Variants in TEK observed in about 807,000 individuals in gnomAD.
TEK encodes TEK receptor tyrosine kinase, also known as angiopoietin-1 receptor.
Under a neutral mutation model 131.8 loss-of-function variants are expected in TEK, and 43 were observed. The observed-to-expected ratio is 0.33, with a 90% confidence interval of 0.26 to 0.42. The LOEUF (loss-of-function observed/expected upper bound fraction) is 0.42. TEK is among the 10% of genes least tolerant of loss of function. TEK has a pLI of 1.00. For missense variants in TEK, 1,162 were observed against 1,384.4 expected (o/e 0.84, Z 2.55); for synonymous variants, 580 against 491.6 (o/e 1.18, Z -2.38).
chr9:27,112,894 G>C (rs190180375), intron 1 of TEK, among the ~76,000 whole-genome samples: 1 of 152,334 alleles, frequency 6.6e-6, no homozygotes, highest in Non-Finnish European at 1.5e-5. Context: ...GAAAGTTCTT[G>C]TGAATGACAC....
intron 1 of TEK, among the ~76,000 whole-genome samples, chr9:27,150,896 T>G (rs1823103905): frequency 6.6e-6 from 1 of 152,130 alleles, no homozygotes; most frequent in Admixed American, 6.5e-5. Context: ...GAGGATGTCA[T>G]TCCCTCCAGC....
In TEK at chr9:27,192,618, C is replaced by A; in HGVS notation, c.1619C>A (p.Ser540Tyr). The change falls in exon 11 of 23, where the codon TCT becomes TAT. Residue 540 changes from serine to tyrosine, a missense_variant. Physicochemically the swap from Ser to Tyr is moderately radical, Grantham distance 144. Around this residue, in one of 6 missense-constraint regions of TEK, gnomAD observed 477 missense variants for 471.0 expected, o/e 1.01. Transcript: ENST00000380036. ...PGPVRRFTTA[S>Y]IGLPPPRGLN... ...CCTGTGAGACGCTTCACAACAGCTTCTATCGGTCAGTGGAAGCCAACAGGC... is the reference window on the plus strand; with the variant it reads ...CCTGTGAGACGCTTCACAACAGCTTATATCGGTCAGTGGAAGCCAACAGGC... 1 of 1,587,200 alleles carries A rather than the reference C, an allele frequency of 6.3e-7. No homozygotes were observed. The highest frequency in any genetic ancestry group is 8.6e-7 in the Non-Finnish European group (1 of 1,163,778).
At chr9:27,199,118 A>G (rs765687528) in intron 12 of TEK, among the ~76,000 whole-genome samples, 1 of 152,168 alleles carries the variant, frequency 6.6e-6, no homozygotes, top group Non-Finnish European at 1.5e-5. Flanking sequence ...TATAATTTTA[A>G]TATCTCTGAA....
chr9:27,136,085 A>ATTTAT (rs765219714), intron 1 of TEK, among the ~76,000 whole-genome samples: 7 of 137,022 alleles, frequency 5.1e-5, no homozygotes, highest in African/African-American at 1.1e-4. Flanking sequence ...CAGGGCAGTT[A>ATTTAT]TTTTTTTTTT....
chr9:27,205,138 G>A, intron 14 of TEK, 73 bp downstream of exon 14: 4 of 1,579,130 alleles, frequency 2.5e-6, no homozygotes, highest in Non-Finnish European at 3.5e-6. Context: ...TTAAAGATAT[G>A]GACCAGGAAA....
At chr9:27,162,925 G>C (rs1215746983) in intron 2 of TEK, among the ~76,000 whole-genome samples, 1 of 152,010 alleles carries the variant, frequency 6.6e-6, no homozygotes, top group Non-Finnish European at 1.5e-5. Context: ...CATGTTGGCC[G>C]GGGTGGTCTC....
chr9:27,169,672 A>T, intron 4 of TEK, 43 bp downstream of exon 4: 1 of 1,612,784 alleles, frequency 6.2e-7, no homozygotes, highest in Non-Finnish European at 8.5e-7. Context: ...TGTAGTTGTT[A>T]GGTTGTTAGG....
At chr9:27,227,825 T>C (rs1280337749) in intron 21 of TEK, among the ~76,000 whole-genome samples, 1 of 152,224 alleles carries the variant, frequency 6.6e-6, no homozygotes, top group Non-Finnish European at 1.5e-5. Context: ...CTAAAAGTCC[T>C]GCCTCTTAAA....
intron 2 of TEK, among the ~76,000 whole-genome samples, chr9:27,160,445 C>A (rs1277538598): frequency 6.6e-6 from 1 of 152,066 alleles, no homozygotes; most frequent in Non-Finnish European, 1.5e-5. Context: ...TAAAGTTGAA[C>A]ATGCTTACAG....
intron 2 of TEK, among the ~76,000 whole-genome samples, chr9:27,162,840 C>T (rs1487530058): frequency 1.3e-5 from 2 of 152,012 alleles, no homozygotes; most frequent in African/African-American, 4.8e-5. Context: ...CTCAGCCTCC[C>T]GAGCAGCTGG....
chr9:27,139,517 G>A (rs1822640767), intron 1 of TEK, among the ~76,000 whole-genome samples: 2 of 151,576 alleles, frequency 1.3e-5, no homozygotes, highest in East Asian at 4.0e-4. Context: ...TTGAGACGGG[G>A]TTTCACCATG....
chr9:27,169,669 G>A (rs565620051), intron 4 of TEK, 40 bp downstream of exon 4: 30 of 1,612,782 alleles, frequency 1.9e-5, no homozygotes, highest in Admixed American at 3.3e-5. Flanking sequence ...TGGTGTAGTT[G>A]TTAGGTTGTT....
chr9:27,190,629 C>T lies in TEK; in HGVS notation c.1428C>T (p.Ile476=), dbSNP rs564101385. ...AGCCTTACTTTGGGGATGGACCAAT[C>T]AAATCCAAGAAGCTTCTATACAAAC... is the stretch of plus-strand genomic sequence containing the variant. ...SSEPYFGDGP[I]KSKKLLYKPV... The change falls in exon 10 of 23, where the codon ATC becomes ATT. Residue 476 remains isoleucine, a synonymous_variant. Transcript: ENST00000380036. 12 of 1,613,906 alleles carry T rather than the reference C, an allele frequency of 7.4e-6. No homozygotes were observed. In the African/African-American group the frequency reaches 1.3e-4, roughly 18 times the overall value.
At chr9:27,184,375 G>A (rs1203230865) in intron 8 of TEK, among the ~76,000 whole-genome samples, 3 of 152,120 alleles carry the variant, frequency 2.0e-5, no homozygotes, top group East Asian at 3.8e-4. Context: ...GGATATTGAT[G>A]TATTTTTTAA....
In TEK at chr9:27,229,468, G is replaced by C. The variant is rs1353890152; in HGVS notation, c.*236G>C. ...GCTGAAATCAGAATGCCTGTTTGTG[G>C]TTTCATATGCAATAATATATTTTTT... On this transcript the variant is annotated 3_prime_UTR_variant, in exon 23 of 23. Transcript: ENST00000380036. 9.0e-6 allele frequency: 5 copies of C among 553,076 alleles called. No individual in the cohort carries two copies. The highest frequency in any genetic ancestry group is 1.6e-5 in the Non-Finnish European group (5 of 309,198). 34.3% of individuals were successfully genotyped at this position (553,076 alleles called of 1,614,324 possible).
chr9:27,217,538 A>G lies in TEK; in HGVS notation c.2992-150A>G, dbSNP rs1825862732. 5 of 711,962 alleles carry G rather than the reference A, an allele frequency of 7.0e-6. No individual in the cohort carries two copies. The East Asian group carries it at 1.4e-4, about 20-fold the overall frequency. 44.1% of individuals were successfully genotyped at this position (711,962 alleles called of 1,614,324 possible). A position where few individuals can be genotyped will look rare whatever the true frequency, so the allele number is the denominator to read the frequency against. On this transcript the variant is annotated intron_variant, in intron 18 of 22. Coordinates refer to ENST00000380036, the MANE Select transcript of TEK (RefSeq NM_000459.5). ...TTATACTGTTTGTTTGCATGTTTTG[A>G]AATTTGAAAACACATGTAGCTGGGA...
chr9:27,113,275 AG>A (rs1272108942), intron 1 of TEK, among the ~76,000 whole-genome samples: 2 of 152,186 alleles, frequency 1.3e-5, no homozygotes, highest in African/African-American at 4.8e-5. Context: ...TGAAATGCTT[AG>A]CCAGTGAGAA....
chr9:27,135,960 G>A (rs1314171370), intron 1 of TEK, among the ~76,000 whole-genome samples: 2 of 152,098 alleles, frequency 1.3e-5, no homozygotes, highest in Non-Finnish European at 2.9e-5. Flanking sequence ...TGTTCTGTGT[G>A]TACCGTACCG....
chr9:27,168,402 T>C (rs1823819228), intron 2 of TEK, 93 bp from the exon 3 acceptor site: 1 of 937,332 alleles, frequency 1.1e-6, no homozygotes, highest in African/African-American at 1.6e-5. Flanking sequence ...ACCTAGCAAG[T>C]GCCAGCCCTC....
Sources: allele counts gnomAD v4.1 joint callset (sites outside exome capture counted in the v4.1 genomes callset), GRCh38; gene constraint gnomAD v4.1.1; regional missense constraint gnomAD v4.1.1; transcripts MANE v1.5; gene names NCBI Gene and HGNC (gene_info 2026-07-23, HGNC 2026-07-21).